Variants in TMEM144 observed in about 807,000 individuals in gnomAD.
TMEM144 encodes transmembrane protein 144.
In TMEM144, 39 loss-of-function variants were observed where a neutral mutation model predicts 43.6. The ratio of observed to expected loss-of-function variants is 0.90; its 90% CI spans 0.69 to 1.17. TMEM144 has a LOEUF of 1.17. Among genes scored for constraint, TMEM144 ranks in the 50% most tolerant of loss-of-function variants. The pLI, the probability that TMEM144 is intolerant of heterozygous loss-of-function variation, is 0.00. For synonymous variants in TMEM144, 154 were observed against 133.6 expected, an observed-to-expected ratio of 1.15 and a Z score of -1.06; for missense variants, 417 against 411.9, an observed-to-expected ratio of 1.01 and a Z score of -0.11.
At position 158,235,513 on chromosome 4, in the gene TMEM144, G is replaced by A; in HGVS notation, c.563+8G>A. On this transcript the variant is annotated splice_region_variant and intron_variant, in intron 8 of 12. Coordinates refer to ENST00000296529, the MANE Select transcript of TMEM144 (RefSeq NM_018342.5). Reference sequence around the variant, plus strand: ...AGTACACCACCGCATAGTGTAAGGAGAGGTTACTTCTTTGCTCTATTACTC... The same window carrying A: ...AGTACACCACCGCATAGTGTAAGGAAAGGTTACTTCTTTGCTCTATTACTC... 1 of 1,610,190 alleles carries A rather than the reference G, an allele frequency of 6.2e-7. No individual in the cohort carries two copies. Among genetic ancestry groups the A allele is most frequent in the Non-Finnish European group, 8.5e-7 (1 of 1,177,784 alleles).
intron 6 of TMEM144, among the ~76,000 whole-genome samples, chr4:158,230,726 A>G (rs1362542254): frequency 2.0e-5 from 3 of 152,094 alleles, no homozygotes; most frequent in Admixed American, 2.0e-4. Context: ...TACATGTTAA[A>G]TATCTTGAGG....
At chr4:158,228,998 A>AT in intron 6 of TMEM144, among the ~76,000 whole-genome samples, 1 of 152,094 alleles carries the variant, frequency 6.6e-6, no homozygotes, top group South Asian at 2.1e-4. Flanking sequence ...GAAACAGAAC[A>AT]GGACAGGGAT....
In TMEM144 at chr4:158,235,474, G is replaced by A. The variant is rs1364369825; in HGVS notation, c.532G>A (p.Asp178Asn). The A allele has an allele frequency of 5.0e-6, 8 of 1,613,864 alleles. No homozygotes were observed. The highest frequency in any genetic ancestry group is 3.3e-5 in the Admixed American group (2 of 60,008). Residue 178 changes from aspartate to asparagine, a missense_variant, in exon 8 of 13, where the codon GAT (aspartate) becomes AAT (asparagine). Coordinates refer to ENST00000296529, the MANE Select transcript of TMEM144 (RefSeq NM_018342.5). Reference sequence around the variant, plus strand: ...AACCCAAGACCCCTGTTCCTGGGTGGATAAACTTTCTACAGTACACCACCG... The same window carrying A: ...AACCCAAGACCCCTGTTCCTGGGTGAATAAACTTTCTACAGTACACCACCG... ...NTTQDPCSWV[D>N]KLSTVHHRIV... is the part of the protein sequence containing the mutation.
chr4:158,215,385 G>A (rs1287136227), intron 4 of TMEM144, 72 bp downstream of exon 4: 3 of 1,542,462 alleles, frequency 1.9e-6, no homozygotes, highest in Admixed American at 3.6e-5. Flanking sequence ...CACAATAGGA[G>A]GAAATAGCGC....
At position 158,212,698 on chromosome 4, in the gene TMEM144, G is replaced by T. The variant is rs571655169; in HGVS notation, c.31G>T (p.Gly11Cys). 1 of 1,613,490 alleles carries T rather than the reference G, an allele frequency of 6.2e-7. No individual in the cohort carries two copies. The highest frequency in any genetic ancestry group is 1.1e-5 in the South Asian group (1 of 90,920). The change falls in exon 3 of 13, where the codon GGT becomes TGT. Residue 11 changes from glycine to cysteine, a missense_variant. Physicochemically the swap from Gly to Cys is radical, Grantham distance 159 (BLOSUM62 -3). Coordinates refer to ENST00000296529, the MANE Select transcript of TMEM144 (RefSeq NM_018342.5). MSNNGADLTF[G>C]YISCFVAILL... is the part of the protein sequence containing the mutation. ...CAACAATGGAGCAGACCTAACCTTTGGTTACATCTCCTGTTTTGTAGCTAT... is the reference window on the plus strand; with the variant it reads ...CAACAATGGAGCAGACCTAACCTTTTGTTACATCTCCTGTTTTGTAGCTAT...
intron 4 of TMEM144, among the ~76,000 whole-genome samples, chr4:158,215,918 T>C (rs1734198236): frequency 6.6e-6 from 1 of 152,138 alleles, no homozygotes; most frequent in Non-Finnish European, 1.5e-5. Flanking sequence ...CAAGTATCAG[T>C]GATCTTTAGA....
At position 158,253,756 on chromosome 4, in the gene TMEM144, A is replaced by T. The variant is rs576764597; in HGVS notation, c.*229A>T. On this transcript the variant is annotated 3_prime_UTR_variant, in exon 13 of 13. Transcript: ENST00000296529. The stretch of plus-strand genomic sequence containing the variant: ...CTGATGAACTGTTTATGAAGGTAGT[A>T]CTTTACTGGGTGACTAAAATGTCTA... 1 of 503,946 alleles carries T rather than the reference A, an allele frequency of 2.0e-6. No individual in the cohort carries two copies. Among genetic ancestry groups the T allele is most frequent in the Non-Finnish European group, 3.6e-6 (1 of 279,828 alleles). 31.2% of individuals were successfully genotyped at this position (503,946 alleles called of 1,614,324 possible).
At chr4:158,246,665 C>T (rs2111151192) in intron 12 of TMEM144, among the ~76,000 whole-genome samples, 1 of 152,010 alleles carries the variant, frequency 6.6e-6, no homozygotes, top group South Asian at 2.1e-4. Flanking sequence ...TAACTCTATG[C>T]CCAAAATATG....
At position 158,244,189 on chromosome 4, in the gene TMEM144, A is replaced by G. The variant is rs544861866; in HGVS notation, c.901-107A>G. The G allele has an allele frequency of 1.6e-4, 107 of 660,270 alleles. No individual in the cohort carries two copies. The African/African-American group carries it at 1.9e-3, about 12-fold the overall frequency. The allele number at this position is 660,270 out of a possible 1,614,324, so 40.9% of individuals were successfully genotyped here. ...TGGAGTTAGGGTTGATATTATGGGT[A>G]GTTTTCCCTGAAAATATGTTTATAC... On this transcript the variant is annotated intron_variant, in intron 11 of 12. Coordinates refer to ENST00000296529, the MANE Select transcript of TMEM144 (RefSeq NM_018342.5).
Position 158,235,429 on chromosome 4 carries a change from T to A in TMEM144, c.496-9T>A. The A allele has an allele frequency of 6.2e-7, 1 of 1,613,612 alleles. No individual in the cohort carries two copies. Among genetic ancestry groups the A allele is most frequent in the Non-Finnish European group, 8.5e-7 (1 of 1,179,756 alleles). ...CTTTTGTTTTAATTTGGGCCAATGT[T>A]TTCAATAGGTGATCAACACAACCCA... On this transcript the variant is annotated splice_polypyrimidine_tract_variant and intron_variant, in intron 7 of 12. Coordinates refer to ENST00000296529, the MANE Select transcript of TMEM144 (RefSeq NM_018342.5).
intron 5 of TMEM144, 91 bp from the exon 6 acceptor site, chr4:158,219,219 C>A: frequency 1.6e-6 from 2 of 1,234,374 alleles, no homozygotes; most frequent in East Asian, 2.4e-5. Flanking sequence ...AGCATTTGAA[C>A]CCAGGAATCT....
At chr4:158,217,448 A>G in intron 5 of TMEM144, 28 bp downstream of exon 5, 1 of 1,467,722 alleles carries the variant, frequency 6.8e-7, no homozygotes, top group African/African-American at 1.4e-5. Flanking sequence ...AGTTCAACTA[A>G]GATTTCCTGC....
chr4:158,237,468 GT>G, intron 8 of TMEM144, 56 bp from the exon 9 acceptor site: 1 of 1,329,176 alleles, frequency 7.5e-7, no homozygotes, highest in Non-Finnish European at 1.1e-6. Flanking sequence ...CCATTTGTGC[GT>G]TTGTCAGAAA....
chr4:158,233,146 TCAATATTTCCG>T, intron 7 of TMEM144, 164 bp downstream of exon 7: 1 of 523,388 alleles, frequency 1.9e-6, no homozygotes, highest in Non-Finnish European at 3.4e-6. Flanking sequence ...TAGCAATCAA[TCAATATTTCCG>T]CAGTTGAGCT....
intron 12 of TMEM144, among the ~76,000 whole-genome samples, chr4:158,251,276 C>T (rs1435710972): frequency 2.0e-5 from 3 of 152,168 alleles, no homozygotes; most frequent in East Asian, 3.9e-4. Context: ...CTCCTGATGA[C>T]CCACCCTTGG....
At chr4:158,248,556 A>C (rs1318055855) in intron 12 of TMEM144, among the ~76,000 whole-genome samples, 2 of 152,222 alleles carry the variant, frequency 1.3e-5, no homozygotes, top group Non-Finnish European at 2.9e-5. Flanking sequence ...TTAAAGAAAA[A>C]TTTTAAATAC....
intron 7 of TMEM144, chr4:158,233,419 A>G (rs1735186977): frequency 6.6e-6 from 1 of 152,468 alleles, no homozygotes; most frequent in African/African-American, 2.4e-5. Flanking sequence ...ATCCCATTCT[A>G]CCCGAAGTGA....
intron 4 of TMEM144, among the ~76,000 whole-genome samples, chr4:158,216,109 T>C (rs1734207138): frequency 6.6e-6 from 1 of 152,204 alleles, no homozygotes; most frequent in Non-Finnish European, 1.5e-5. Context: ...ATTTACATTA[T>C]TATACCTCAC....
intron 1 of TMEM144, 91 bp from the exon 2 acceptor site, chr4:158,211,362 C>T (rs1403172637): frequency 6.6e-6 from 1 of 152,176 alleles, no homozygotes; most frequent in Non-Finnish European, 1.5e-5. Context: ...TATCAATGTA[C>T]ACATAAAGGT....
Sources: allele counts gnomAD v4.1 joint callset (sites outside exome capture counted in the v4.1 genomes callset), GRCh38; gene constraint gnomAD v4.1.1; transcripts MANE v1.5; gene names NCBI Gene and HGNC (gene_info 2026-07-23, HGNC 2026-07-21).